KCNQ1OT1: variants seen among roughly 807,000 people sequenced by gnomAD.
KCNQ1OT1 encodes the protein KCNQ1 opposite strand/antisense transcript 1, also known as KCNQ1 antisense RNA 2 (non-protein coding).
chr11:2,688,800 C>T, exon 1 of KCNQ1OT1: 2 of 398,806 alleles, frequency 5.0e-6, no homozygotes, highest in Non-Finnish European at 8.8e-6. Context: ...CTCCCCCACA[C>T]ACAGCCCACC....
chr11:2,654,033 C>T lies in KCNQ1OT1; in HGVS notation n.45962G>A, dbSNP rs1251637169. The T allele has an allele frequency of 1.8e-5, 7 of 398,586 alleles. No individual in the cohort carries two copies. The highest frequency in any genetic ancestry group is 4.1e-5 in the African/African-American group (2 of 48,652). 24.7% of individuals were successfully genotyped at this position (398,586 alleles called of 1,614,324 possible). On this transcript the variant is annotated non_coding_transcript_exon_variant, in exon 1 of 1. Coordinates refer to ENST00000597346, the Ensembl canonical transcript of KCNQ1OT1. This position sits in a 1 kb window ranked among gnomAD's most constrained non-coding sequence, Gnocchi z 6.4. Reference sequence around the variant, plus strand: ...TATACATTTTCACTCCATTCCTCGCCTTGTTCCTGGCAGCTGTTGTGGGAA... The same window carrying T: ...TATACATTTTCACTCCATTCCTCGCTTTGTTCCTGGCAGCTGTTGTGGGAA...
At position 2,661,558 on chromosome 11, in the gene KCNQ1OT1, G is replaced by A. The variant is rs1849956714; in HGVS notation, n.38437C>T. 3 of 543,318 alleles carry A rather than the reference G, an allele frequency of 5.5e-6. No individual in the cohort carries two copies. The highest frequency in any genetic ancestry group is 9.8e-6 in the Non-Finnish European group (3 of 306,418). 33.7% of individuals were successfully genotyped at this position (543,318 alleles called of 1,614,324 possible). ...GACCCACTACTCTGTCAATGTATGA[G>A]TGTGACAATGTATGGTGGTGGGAGC... On this transcript the variant is annotated non_coding_transcript_exon_variant, in exon 1 of 1. Transcript: ENST00000597346. This position sits in a 1 kb window ranked among gnomAD's most constrained non-coding sequence, Gnocchi z 5.9.
chr11:2,623,035 C>T lies in KCNQ1OT1; in HGVS notation n.76960G>A, dbSNP rs1216081767. 6 of 398,440 alleles carry T rather than the reference C, an allele frequency of 1.5e-5. No individual in the cohort carries two copies. The highest frequency in any genetic ancestry group is 2.2e-5 in the Non-Finnish European group (5 of 226,124). The allele number at this position is 398,440 out of a possible 1,614,324, so 24.7% of individuals were successfully genotyped here. ...TAATCCCCATGTGTCAGGGGAGGGG[C>T]CTGGTGGGGGGCAAACTTCCCCCTT... On this transcript the variant is annotated non_coding_transcript_exon_variant, in exon 1 of 1. Transcript: ENST00000597346. The surrounding 1 kb of genome is among the most constrained non-coding windows in gnomAD (Gnocchi z 5.2).
exon 1 of KCNQ1OT1, chr11:2,665,785 C>T: frequency 2.5e-6 from 1 of 398,640 alleles, no homozygotes. Context: ...TCACTCAACC[C>T]TGCCTAAGAT....
chr11:2,629,035 C>T (rs1364004149), exon 1 of KCNQ1OT1: 1 of 398,036 alleles, frequency 2.5e-6, no homozygotes, highest in African/African-American at 2.1e-5. Context: ...ATATCTTTCA[C>T]TTTGTTCTTA....
rs1848916101 is a variant in KCNQ1OT1 at position 2,608,410 on chromosome 11, A to G, written n.91585T>C. On this transcript the variant is annotated non_coding_transcript_exon_variant, in exon 1 of 1. Transcript: ENST00000597346. This position sits in a 1 kb window ranked among gnomAD's most constrained non-coding sequence, Gnocchi z 4.6. ...ATAATTTATTGGCACAAAATTGTTC[A>G]TAGTGTTCCTTCATAATCCTTTTTA... 1.3e-5 allele frequency: 5 copies of G among 398,518 alleles called. No homozygotes were observed. Among genetic ancestry groups the G allele is most frequent in the South Asian group, 1.3e-4 (1 of 7,868 alleles). The allele number at this position is 398,518 out of a possible 1,614,324, so 24.7% of individuals were successfully genotyped here.
rs1289893996 is a variant in KCNQ1OT1 at position 2,687,491 on chromosome 11, G to A, written n.12504C>T. On this transcript the variant is annotated non_coding_transcript_exon_variant, in exon 1 of 1. Coordinates refer to ENST00000597346, the Ensembl canonical transcript of KCNQ1OT1. The surrounding 1 kb of genome is among the most constrained non-coding windows in gnomAD (Gnocchi z 5.0). ...GCAGCATTTCAATAGGGCCATCCCA[G>A]GCACCCTAGGACTTGAGACCAGCCT... The A allele has an allele frequency of 7.5e-6, 3 of 398,668 alleles. No individual in the cohort carries two copies. 24.7% of individuals were successfully genotyped at this position (398,668 alleles called of 1,614,324 possible).
At position 2,608,348 on chromosome 11, in the gene KCNQ1OT1, C is replaced by A. The variant is rs551638137; in HGVS notation, n.91647G>T. The A allele has an allele frequency of 7.3e-5, 29 of 398,472 alleles. 1 individual carries two copies. The East Asian group carries it at 1.0e-3, about 14-fold the overall frequency. 24.7% of individuals were successfully genotyped at this position (398,472 alleles called of 1,614,324 possible). A position where few individuals can be genotyped will look rare whatever the true frequency, so the allele number is the denominator to read the frequency against. On this transcript the variant is annotated non_coding_transcript_exon_variant, in exon 1 of 1. Transcript: ENST00000597346. The surrounding 1 kb of genome is among the most constrained non-coding windows in gnomAD (Gnocchi z 4.6). ...TTTCTTAGTCAGTTTTCATAGTTTTCATCTTTCTAGGAATTTGTCAATTTC... is the reference window on the plus strand; with the variant it reads ...TTTCTTAGTCAGTTTTCATAGTTTTAATCTTTCTAGGAATTTGTCAATTTC...
exon 1 of KCNQ1OT1, chr11:2,646,935 A>G (rs11824124): frequency 0.02 from 8,133 of 398,614 alleles, 534 homozygotes; most frequent in African/African-American, 0.14. Context: ...GCCATCTGCA[A>G]AGGACAATAT....
exon 1 of KCNQ1OT1, chr11:2,684,367 G>T: frequency 2.5e-6 from 1 of 398,662 alleles, no homozygotes; most frequent in African/African-American, 2.1e-5. Flanking sequence ...CTTGCTGCCA[G>T]CATGAGACAA....
exon 1 of KCNQ1OT1, chr11:2,639,812 G>A (rs1195856269): frequency 6.6e-6 from 1 of 152,570 alleles, no homozygotes; most frequent in African/African-American, 2.4e-5. Context: ...CCCCAGAGGT[G>A]GAGTCTACAG....
chr11:2,672,623 G>A, exon 1 of KCNQ1OT1: 1 of 398,700 alleles, frequency 2.5e-6, no homozygotes, highest in Non-Finnish European at 4.4e-6. Context: ...GGTGATGGAA[G>A]GACTCTGGGT....
rs115180105 is a variant in KCNQ1OT1, at chr11:2,691,676, G to A, written n.8319C>T. 906 of 398,586 alleles carry A rather than the reference G, an allele frequency of 2.3e-3. 4 individuals carry two copies. The highest frequency in any genetic ancestry group is 0.016 in the African/African-American group (782 of 48,698). 24.7% of individuals were successfully genotyped at this position (398,586 alleles called of 1,614,324 possible). A position where few individuals can be genotyped will look rare whatever the true frequency, so the allele number is the denominator to read the frequency against. On this transcript the variant is annotated non_coding_transcript_exon_variant, in exon 1 of 1. Coordinates refer to ENST00000597346, the Ensembl canonical transcript of KCNQ1OT1. The surrounding 1 kb of genome is among the most constrained non-coding windows in gnomAD (Gnocchi z 6.4). ...TTCCAAGGGTGAAACAGAGAACCAG[G>A]TGGGGAAGGGGTCTCTCCCCATCTG...
chr11:2,668,567 G>T lies in KCNQ1OT1; in HGVS notation n.31428C>A. ...CTAATGAAGTTGAGTCCCTTTCCAT[G>T]TTATCATTTAGTCAGATACATCATT... On this transcript the variant is annotated non_coding_transcript_exon_variant, in exon 1 of 1. Coordinates refer to ENST00000597346, the Ensembl canonical transcript of KCNQ1OT1. The surrounding 1 kb of genome is among the most constrained non-coding windows in gnomAD (Gnocchi z 4.3). 1 of 398,610 alleles carries T rather than the reference G, an allele frequency of 2.5e-6. No individual in the cohort carries two copies. Among genetic ancestry groups the T allele is most frequent in the East Asian group, 3.6e-5 (1 of 28,080 alleles). 24.7% of individuals were successfully genotyped at this position (398,610 alleles called of 1,614,324 possible).
At chr11:2,666,458 C>T (rs561906365) in exon 1 of KCNQ1OT1, 1 of 398,678 alleles carries the variant, frequency 2.5e-6, no homozygotes, top group African/African-American at 2.1e-5. Flanking sequence ...TCTCCTGGAC[C>T]CTGCAGAATC....
exon 1 of KCNQ1OT1, chr11:2,660,490 A>G (rs1002179542): frequency 7.5e-6 from 3 of 398,670 alleles, no homozygotes; most frequent in Non-Finnish European, 8.8e-6. Context: ...GAAGCTATCT[A>G]TGCCTCATAT....
At chr11:2,662,176 A>C (rs1849971359) in exon 1 of KCNQ1OT1, 1 of 1,550,292 alleles carries the variant, frequency 6.5e-7, no homozygotes, top group Non-Finnish European at 8.8e-7. Flanking sequence ...CTCTGGCCAG[A>C]GTGCTATCTA....
rs1349489441 is a variant in KCNQ1OT1 at position 2,653,940 on chromosome 11, A to C, written n.46055T>G. ...CCAGAAGCCAGGCCTGGCTGCTGGCAGGCAAAAACAACAGGTGTCCACTCA... is the reference window on the plus strand; with the variant it reads ...CCAGAAGCCAGGCCTGGCTGCTGGCCGGCAAAAACAACAGGTGTCCACTCA... On this transcript the variant is annotated non_coding_transcript_exon_variant, in exon 1 of 1. Coordinates refer to ENST00000597346, the Ensembl canonical transcript of KCNQ1OT1. The surrounding 1 kb of genome is among the most constrained non-coding windows in gnomAD (Gnocchi z 5.3). 3 of 398,698 alleles carry C rather than the reference A, an allele frequency of 7.5e-6. No individual in the cohort carries two copies. Among genetic ancestry groups the C allele is most frequent in the African/African-American group, 6.2e-5 (3 of 48,760 alleles). 24.7% of individuals were successfully genotyped at this position (398,698 alleles called of 1,614,324 possible). A position where few individuals can be genotyped will look rare whatever the true frequency, so the allele number is the denominator to read the frequency against.
chr11:2,667,596 C>T (rs1332635008), exon 1 of KCNQ1OT1: 21 of 79,634 alleles, frequency 2.6e-4, no homozygotes, highest in South Asian at 8.6e-4. Flanking sequence ...CGGGGTTGGG[C>T]GGGGGGCACA....
Sources: allele counts gnomAD v4.1 joint callset, GRCh38; gene constraint gnomAD v4.1.1; non-coding constraint Gnocchi (gnomAD v3.1); transcripts MANE v1.5; gene names NCBI Gene and HGNC (gene_info 2026-07-23, HGNC 2026-07-21).